Variants in GRM7 observed in about 807,000 individuals in gnomAD.
GRM7 encodes the protein glutamate metabotropic receptor 7, also known as metabotropic glutamate receptor 7.
In GRM7, 35 loss-of-function variants were observed where a neutral mutation model predicts 84.5. The observed-to-expected ratio is 0.41, with a 90% CI of 0.32 to 0.55. GRM7 has a LOEUF of 0.55. Among genes scored for constraint, GRM7 ranks in the 20% least tolerant of loss-of-function variants. The probability of loss-of-function intolerance (pLI) is 0.19; values close to 1 mark genes in which losing one functional copy is unlikely to be tolerated. For missense variants in GRM7, 1,003 were observed against 1,194.6 expected (o/e 0.84, Z 2.36); for synonymous variants, 487 against 455.1 (o/e 1.07, Z -0.89).
At chr3:6,873,811 T>C (rs1243199537) in intron 1 of GRM7, among the ~76,000 whole-genome samples, 2 of 152,334 alleles carry the variant, frequency 1.3e-5, no homozygotes, top group Non-Finnish European at 1.5e-5. Flanking sequence ...GCTGGGCCAG[T>C]TCCTGGCATT....
chr3:7,634,862 C>G (rs1382976631), intron 8 of GRM7, among the ~76,000 whole-genome samples: 1 of 151,808 alleles, frequency 6.6e-6, no homozygotes, highest in Non-Finnish European at 1.5e-5. Context: ...GGTACTTTGG[C>G]CAGATTTTGA....
At chr3:7,521,095 G>A (rs1700575838) in intron 7 of GRM7, among the ~76,000 whole-genome samples, 1 of 152,198 alleles carries the variant, frequency 6.6e-6, no homozygotes, top group Non-Finnish European at 1.5e-5. Context: ...AGAAGTATCA[G>A]TTCAAAAACT....
chr3:7,677,261 TTAAAAAAAAAAAAAAAAAA>T (rs1700162677), intron 8 of GRM7, among the ~76,000 whole-genome samples: 3 of 103,402 alleles, frequency 2.9e-5, no homozygotes, highest in Admixed American at 1.8e-4. Context: ...GACTCTGTCT[TTAAAAAAAAAAAAAAAAAA>T]AAAAAAAAAA....
chr3:7,628,800 G>A (rs1443806628), intron 8 of GRM7, among the ~76,000 whole-genome samples: 4 of 152,154 alleles, frequency 2.6e-5, no homozygotes, highest in Admixed American at 6.5e-5. Context: ...GGTCTCAGCA[G>A]CCATATTGGT....
intron 1 of GRM7, among the ~76,000 whole-genome samples, chr3:6,992,454 C>T (rs548995638): frequency 2.0e-5 from 3 of 152,266 alleles, no homozygotes; most frequent in African/African-American, 2.4e-5. Context: ...GGTAAGGCCA[C>T]TCCTTCATAT....
At chr3:7,230,712 T>G (rs889161554) in intron 2 of GRM7, among the ~76,000 whole-genome samples, 15 of 152,274 alleles carry the variant, frequency 9.9e-5, no homozygotes, top group African/African-American at 2.9e-4. Flanking sequence ...TGAGGAGCGT[T>G]TGTGAATTGG....
rs1477523999 is a variant in GRM7, at chr3:7,660,154, C to T, written c.2452-19895C>T. 2.0e-5 allele frequency among the ~76,000 whole-genome samples: 3 copies of T among 152,282 alleles called. No individual in the cohort carries two copies. The East Asian group carries it at 5.8e-4, about 29-fold the overall frequency. ...TGAATGTATCAGCCCTAGATTATTT[C>T]CCAGTTGCAAAGGTAAACTGTAATT... On this transcript the variant is annotated intron_variant, in intron 8 of 9. Coordinates refer to ENST00000357716, the MANE Select transcript of GRM7 (RefSeq NM_000844.4).
At chr3:7,640,151 G>C (rs1277945733) in intron 8 of GRM7, among the ~76,000 whole-genome samples, 5 of 152,124 alleles carry the variant, frequency 3.3e-5, no homozygotes, top group Admixed American at 2.6e-4. Flanking sequence ...CCTACACAGG[G>C]TTTTACATAT....
At chr3:7,583,252 G>A (rs1042030096) in intron 8 of GRM7, among the ~76,000 whole-genome samples, 4 of 152,152 alleles carry the variant, frequency 2.6e-5, no homozygotes, top group Admixed American at 6.6e-5. Flanking sequence ...GCTCCCCAGC[G>A]GTATTTTTGT....
intron 1 of GRM7, among the ~76,000 whole-genome samples, chr3:6,933,384 G>A (rs1185994323): frequency 6.6e-6 from 1 of 152,086 alleles, no homozygotes; most frequent in Non-Finnish European, 1.5e-5. Flanking sequence ...ACTGATTGTA[G>A]TTCTGTATAA....
At chr3:7,676,990 G>C (rs988871502) in intron 8 of GRM7, among the ~76,000 whole-genome samples, 1 of 152,008 alleles carries the variant, frequency 6.6e-6, no homozygotes, top group Non-Finnish European at 1.5e-5. Flanking sequence ...GGCTGGGCAT[G>C]GTGGCTCACG....
chr3:7,578,350 T>C (rs143430196), intron 7 of GRM7, 72 bp from the exon 8 acceptor site: 607 of 983,196 alleles, frequency 6.2e-4, no homozygotes, highest in Admixed American at 1.3e-3. Flanking sequence ...TGAGTACTGT[T>C]TGCTGCTGGT....
rs549129220 is a variant in GRM7 at position 6,970,451 on chromosome 3, A to C, written c.519+108544A>C. Reference sequence around the variant, plus strand: ...TAATTGTTTCAAAATAATTTTAAAAAGTTAAAATACTCACCTAGTTGTTGA... The same window carrying C: ...TAATTGTTTCAAAATAATTTTAAAACGTTAAAATACTCACCTAGTTGTTGA... On this transcript the variant is annotated intron_variant, in intron 1 of 9. Coordinates refer to ENST00000357716, the MANE Select transcript of GRM7 (RefSeq NM_000844.4). Among the ~76,000 whole-genome samples the C allele has an allele frequency of 6.6e-5, 10 of 152,358 alleles. No individual in the cohort carries two copies. The South Asian group carries it at 2.1e-3, about 32-fold the overall frequency.
At chr3:7,079,986 G>T (rs1698225461) in intron 1 of GRM7, among the ~76,000 whole-genome samples, 2 of 152,128 alleles carry the variant, frequency 1.3e-5, no homozygotes, top group South Asian at 4.1e-4. Context: ...GAAACAAAGA[G>T]TTAATGGTTT....
At chr3:7,447,856 A>G (rs1487422945) in intron 5 of GRM7, among the ~76,000 whole-genome samples, 4 of 150,334 alleles carry the variant, frequency 2.7e-5, no homozygotes, top group Admixed American at 6.6e-5. Context: ...CCATTAACTC[A>G]TCATTTAGCA....
Position 7,404,338 on chromosome 3 carries a change from G to C in GRM7, c.1034-10685G>C, listed in dbSNP as rs1575285607. 2.6e-5 allele frequency among the ~76,000 whole-genome samples: 4 copies of C among 152,098 alleles called. No individual in the cohort carries two copies. The East Asian group carries it at 7.7e-4, about 29-fold the overall frequency. On this transcript the variant is annotated intron_variant, in intron 4 of 9. Transcript: ENST00000357716. ...CTTCTAAGAAAGGCAGATCTCACTTGGGAATTCCCTGGTAGATTCTTGGTG... is the reference window on the plus strand; with the variant it reads ...CTTCTAAGAAAGGCAGATCTCACTTCGGAATTCCCTGGTAGATTCTTGGTG...
chr3:7,078,120 A>G (rs1559424503), intron 1 of GRM7, among the ~76,000 whole-genome samples: 2 of 152,154 alleles, frequency 1.3e-5, no homozygotes, highest in Admixed American at 6.6e-5. Context: ...ATGAAAAGAG[A>G]AGGCTTTGCA....
At chr3:7,310,463 T>C (rs1004948554) in intron 4 of GRM7, among the ~76,000 whole-genome samples, 4 of 152,166 alleles carry the variant, frequency 2.6e-5, no homozygotes, top group African/African-American at 9.7e-5. Context: ...AAAATATTCC[T>C]GGCTCCAATT....
chr3:7,698,443 G>A (rs1360870216), intron 9 of GRM7, among the ~76,000 whole-genome samples: 1 of 152,192 alleles, frequency 6.6e-6, no homozygotes, highest in Non-Finnish European at 1.5e-5. Context: ...CTGAGGTACA[G>A]ATATTTTAAA....
Sources: allele counts gnomAD v4.1 joint callset (sites outside exome capture counted in the v4.1 genomes callset), GRCh38; gene constraint gnomAD v4.1.1; transcripts MANE v1.5; gene names NCBI Gene and HGNC (gene_info 2026-07-23, HGNC 2026-07-21).